Variants in C7 observed in about 807,000 individuals in gnomAD.
C7 encodes complement component C7.
C7 carries 83 observed loss-of-function variants against 104.8 expected under a neutral mutation model. The observed-to-expected ratio is 0.79, with a 90% confidence interval of 0.66 to 0.95. The LOEUF (loss-of-function observed/expected upper bound fraction) is 0.95. C7 is among the 40% of genes least tolerant of loss of function. The pLI is 0.00. For synonymous variants in C7, 415 were observed against 360.6 expected, an observed-to-expected ratio of 1.15 and a Z score of -1.71; for missense variants, 1,070 against 1,011.2, an observed-to-expected ratio of 1.06 and a Z score of -0.79.
intron 3 of C7, among the ~76,000 whole-genome samples, chr5:40,933,047 T>A (rs1206179066): frequency 6.6e-6 from 1 of 152,170 alleles, no homozygotes; most frequent in Non-Finnish European, 1.5e-5. Flanking sequence ...AAGTCACACA[T>A]GAGCGGTATC....
chr5:40,931,020 A>T, intron 2 of C7, 44 bp from the exon 3 acceptor site: 2 of 1,329,828 alleles, frequency 1.5e-6, no homozygotes, highest in Non-Finnish European at 1.1e-6. Flanking sequence ...TCCCTTGCGT[A>T]TCTTTCCACC....
chr5:40,965,451 A>G (rs1740522451), intron 14 of C7, among the ~76,000 whole-genome samples: 1 of 152,094 alleles, frequency 6.6e-6, no homozygotes, highest in African/African-American at 2.4e-5. Flanking sequence ...CTATTGTGAA[A>G]TTTCTGAGTA....
chr5:40,933,870 C>T (rs149264494), intron 3 of C7, among the ~76,000 whole-genome samples: 3 of 151,906 alleles, frequency 2.0e-5, no homozygotes, highest in Admixed American at 1.3e-4. Context: ...ATTAATCATT[C>T]TATGCTCTAA....
At chr5:40,916,484 G>A (rs2111612618) in intron 1 of C7, among the ~76,000 whole-genome samples, 1 of 152,296 alleles carries the variant, frequency 6.6e-6, no homozygotes, top group African/African-American at 2.4e-5. Context: ...ACTTCATTCA[G>A]GTTTTCTCTC....
intron 1 of C7, among the ~76,000 whole-genome samples, chr5:40,919,466 C>T (rs956287682): frequency 1.3e-5 from 2 of 151,904 alleles, no homozygotes; most frequent in African/African-American, 4.8e-5. Flanking sequence ...CACTAGAAAT[C>T]AATTATGGGA....
chr5:40,979,368 T>C (rs144663254), intron 16 of C7, among the ~76,000 whole-genome samples: 3,516 of 152,266 alleles, frequency 0.023, 50 homozygotes, highest in Middle Eastern at 0.041. Flanking sequence ...TATGATCACA[T>C]TGAATGCTTG....
At chr5:40,960,780 C>T (rs777875412) in intron 12 of C7, among the ~76,000 whole-genome samples, 1 of 152,144 alleles carries the variant, frequency 6.6e-6, no homozygotes, top group Non-Finnish European at 1.5e-5. Context: ...GCTATTTGTA[C>T]TGCTTTCTCT....
chr5:40,919,224 A>G (rs1739390281), intron 1 of C7, among the ~76,000 whole-genome samples: 1 of 151,646 alleles, frequency 6.6e-6, no homozygotes, highest in Non-Finnish European at 1.5e-5. Flanking sequence ...CCCAGGCTCA[A>G]GTGATTCTCC....
At chr5:40,913,413 C>CTTGG (rs1476113335) in intron 1 of C7, among the ~76,000 whole-genome samples, 5 of 152,060 alleles carry the variant, frequency 3.3e-5, no homozygotes. Flanking sequence ...AATTTACATT[C>CTTGG]CCACCAATAG....
rs1561259526 is a variant in C7, at chr5:40,972,510, T to C, written c.1990T>C (p.Ser664Pro). ...KVTVSCSGGM[S>P]LEGPSAFLCG... ...GACTGTTTCCTGTTCAGGTGGCATGTCCTTAGAAGGTCCTTCAGCATTTCT... is the reference window on the plus strand; with the variant it reads ...GACTGTTTCCTGTTCAGGTGGCATGCCCTTAGAAGGTCCTTCAGCATTTCT... The change falls in exon 15 of 18, where the codon TCC (serine) becomes CCC (proline). Residue 664 changes from serine (S) to proline (P), a missense_variant. By Grantham distance (74) the Ser-to-Pro change is moderately conservative (BLOSUM62 -1). Coordinates refer to ENST00000313164, the MANE Select transcript of C7 (RefSeq NM_000587.4). The C allele has an allele frequency of 6.2e-7, 1 of 1,613,818 alleles. No individual in the cohort carries two copies.
At chr5:40,915,635 C>A (rs760840449) in intron 1 of C7, among the ~76,000 whole-genome samples, 2 of 152,112 alleles carry the variant, frequency 1.3e-5, no homozygotes, top group East Asian at 1.9e-4. Flanking sequence ...AAAACTTATA[C>A]GATCCACATG....
chr5:40,959,489 C>T lies in C7; in HGVS notation c.1530C>T (p.Ser510=), dbSNP rs1294146854. The T allele has an allele frequency of 6.2e-7, 1 of 1,611,186 alleles. No homozygotes were observed. The highest frequency in any genetic ancestry group is 1.3e-5 in the African/African-American group (1 of 74,950). Reference sequence around the variant, plus strand: ...GTTGGAGTTGCTGGTCCTCTTGGAGCCCCTGTGTCCAAGGGAAGAAAACAA... The same window carrying T: ...GTTGGAGTTGCTGGTCCTCTTGGAGTCCCTGTGTCCAAGGGAAGAAAACAA... ...DGGWSCWSSW[S]PCVQGKKTRS... is the part of the protein sequence containing the mutation. Residue 510 remains serine, a synonymous_variant, in exon 12 of 18, where the codon AGC becomes AGT. Coordinates refer to ENST00000313164, the MANE Select transcript of C7 (RefSeq NM_000587.4).
intron 12 of C7, among the ~76,000 whole-genome samples, chr5:40,960,472 T>C (rs1405202532): frequency 6.6e-6 from 1 of 152,196 alleles, no homozygotes; most frequent in Non-Finnish European, 1.5e-5. Flanking sequence ...CTGAGGAAGC[T>C]GGCAAGCATG....
At chr5:40,948,940 A>G (rs984057791) in intron 8 of C7, among the ~76,000 whole-genome samples, 2 of 152,074 alleles carry the variant, frequency 1.3e-5, no homozygotes, top group African/African-American at 2.4e-5. Flanking sequence ...GAAGTTCTCT[A>G]CTACATAAAA....
In C7 at chr5:40,959,470, GT is replaced by G. The variant is rs866372182; in HGVS notation, c.1513del (p.Cys505AlafsTer49). On this transcript the variant is annotated frameshift_variant, in exon 12 of 18. Transcript: ENST00000313164. LOFTEE classifies it high-confidence loss of function. ...NQAGGVDGGW[S>X]CWSSWSPCVQ... ...GTAGGAGGGGTTGATGGAGGTTGGA[GT>G]TGCTGGTCCTCTTGGAGCCCCTGTG... is the stretch of plus-strand genomic sequence containing the variant. The G allele has an allele frequency of 1.2e-6, 2 of 1,611,036 alleles. No individual in the cohort carries two copies. The highest frequency in any genetic ancestry group is 2.7e-5 in the African/African-American group (2 of 74,872).
chr5:40,918,487 T>G (rs1357377244), intron 1 of C7, among the ~76,000 whole-genome samples: 1 of 152,052 alleles, frequency 6.6e-6, no homozygotes, highest in African/African-American at 2.4e-5. Flanking sequence ...AGTTCTCCAG[T>G]AAAAAGATAT....
At chr5:40,935,892 G>C (rs930280695) in intron 4 of C7, among the ~76,000 whole-genome samples, 2 of 152,152 alleles carry the variant, frequency 1.3e-5, no homozygotes, top group Non-Finnish European at 2.9e-5. Flanking sequence ...TTGTGCTACG[G>C]AAATGTTGAA....
intron 12 of C7, among the ~76,000 whole-genome samples, chr5:40,961,777 C>A (rs1451169904): frequency 6.6e-6 from 1 of 152,080 alleles, no homozygotes; most frequent in Non-Finnish European, 1.5e-5. Flanking sequence ...AAACAGGTGA[C>A]CTCTAGAAAG....
chr5:40,953,026 G>T (rs924489886), intron 9 of C7, among the ~76,000 whole-genome samples: 1 of 152,074 alleles, frequency 6.6e-6, no homozygotes, highest in Non-Finnish European at 1.5e-5. Context: ...TGTAGGTCTT[G>T]GTGGGGACTA....
Sources: gnomAD v4.1 joint callset for allele counts (sites outside exome capture counted in the v4.1 genomes callset) on GRCh38, gnomAD v4.1.1 for gene constraint, MANE v1.5 for transcripts, NCBI Gene and HGNC (gene_info 2026-07-23, HGNC 2026-07-21) for gene names.